PCDH15: variants seen among roughly 807,000 people sequenced by gnomAD.
PCDH15 encodes the protein protocadherin related 15.
In PCDH15, 129 loss-of-function variants were observed where a neutral mutation model predicts 178.5. The observed-to-expected ratio is 0.72, with a 90% CI of 0.63 to 0.84. PCDH15 has a LOEUF of 0.84. Among genes scored for constraint, PCDH15 ranks in the 40% least tolerant of loss-of-function variants. PCDH15 has a pLI of 0.00. For synonymous variants in PCDH15, 800 were observed against 732.0 expected (o/e 1.09, Z -1.50); for missense variants, 2,230 against 2,099.9 (o/e 1.06, Z -1.21).
At chr10:55,039,936 C>T (rs1024446644) in intron 2 of PCDH15, among the ~76,000 whole-genome samples, 14 of 152,024 alleles carry the variant, frequency 9.2e-5, no homozygotes, top group African/African-American at 3.4e-4. Context: ...ACAAAAAAAC[C>T]CACCATCAAA....
chr10:53,849,095 C>T (rs1230348379), intron 28 of PCDH15, among the ~76,000 whole-genome samples: 1 of 152,024 alleles, frequency 6.6e-6, no homozygotes, highest in Non-Finnish European at 1.5e-5. Flanking sequence ...TTTGTTTTGG[C>T]TTTCCATTGT....
chr10:55,157,935 C>T, intron 2 of PCDH15, among the ~76,000 whole-genome samples: 1 of 115,148 alleles, frequency 8.7e-6, no homozygotes, highest in South Asian at 3.6e-4. Flanking sequence ...GCACATGTAC[C>T]CTAGAACTTA....
intron 2 of PCDH15, among the ~76,000 whole-genome samples, chr10:55,030,316 G>A (rs1840578632): frequency 6.6e-6 from 1 of 152,112 alleles, no homozygotes; most frequent in Admixed American, 6.6e-5. Context: ...CATACAGAGA[G>A]CACGAGTCTC....
In PCDH15 at chr10:54,561,381, A is replaced by C. The variant is rs981677314; in HGVS notation, c.92-33504T>G. Among the ~76,000 whole-genome samples, 16 of 152,322 alleles carry C rather than the reference A, an allele frequency of 1.1e-4. No homozygotes were observed. The East Asian group carries it at 3.1e-3, about 29-fold the overall frequency. On this transcript the variant is annotated intron_variant, in intron 2 of 37. Coordinates refer to ENST00000644397, the MANE Select transcript of PCDH15 (RefSeq NM_001384140.1). ...AAACCCTGAAGCAAGACAAGGCAAG[A>C]TATGTAATATCTATCAATAAAACTA...
At chr10:54,279,645 T>A (rs2058559643) in intron 8 of PCDH15, among the ~76,000 whole-genome samples, 1 of 151,696 alleles carries the variant, frequency 6.6e-6, no homozygotes, top group Admixed American at 6.6e-5. Flanking sequence ...GAGATGATAC[T>A]GATTGCCCTC....
chr10:53,872,008 G>T (rs1340672499), intron 26 of PCDH15, among the ~76,000 whole-genome samples: 1 of 152,044 alleles, frequency 6.6e-6, no homozygotes, highest in African/African-American at 2.4e-5. Flanking sequence ...AGCCAGGCAT[G>T]GCTTCCCCCT....
At chr10:53,980,259 TTGAACAAGGGGTAAAAGTAGAC>T (rs1188111504) in intron 21 of PCDH15, among the ~76,000 whole-genome samples, 2 of 151,948 alleles carry the variant, frequency 1.3e-5, no homozygotes, top group African/African-American at 4.8e-5. Context: ...TATTAGGATT[TTGAACAAGGGGTAAAAGTAGAC>T]ATATATCAGT....
chr10:54,791,008 C>G (rs1407257251), intron 1 of PCDH15, among the ~76,000 whole-genome samples: 1 of 151,718 alleles, frequency 6.6e-6, no homozygotes. Context: ...ACAATAACAA[C>G]AAAAATACTC....
At chr10:55,317,430 T>A (rs1028706747) in intron 1 of PCDH15, among the ~76,000 whole-genome samples, 1 of 152,148 alleles carries the variant, frequency 6.6e-6, no homozygotes, top group Non-Finnish European at 1.5e-5. Flanking sequence ...TATCTTACCC[T>A]TTTAATGATT....
At chr10:55,495,142 C>T (rs538177545) in intron 2 of PCDH15, among the ~76,000 whole-genome samples, 1 of 151,728 alleles carries the variant, frequency 6.6e-6, no homozygotes, top group Non-Finnish European at 1.5e-5. Context: ...GTTAAAACCA[C>T]AAAACTCTTA....
chr10:54,055,009 T>C (rs1417404106), intron 18 of PCDH15, among the ~76,000 whole-genome samples: 3 of 152,170 alleles, frequency 2.0e-5, no homozygotes, highest in Non-Finnish European at 4.4e-5. Context: ...ATTTTAGTTT[T>C]AGAACCCCAC....
rs144566091 is a variant in PCDH15 at position 54,716,620 on chromosome 10, G to A, written c.-28-52330C>T. ...TTTGTACATTGATTTTGTATCCTGA[G>A]ACTTTGCTGAAGTTGCTTATCAGCT... On this transcript the variant is annotated intron_variant, in intron 1 of 37. Coordinates refer to ENST00000644397, the MANE Select transcript of PCDH15 (RefSeq NM_001384140.1). Among the ~76,000 whole-genome samples, 1,316 of 152,108 alleles carry A rather than the reference G, an allele frequency of 8.7e-3. 15 individuals are homozygous for A. Among genetic ancestry groups the A allele is most frequent in the African/African-American group, 0.029 (1,217 of 41,482 alleles).
At chr10:55,049,902 T>C (rs111336686) in intron 2 of PCDH15, among the ~76,000 whole-genome samples, 10 of 152,144 alleles carry the variant, frequency 6.6e-5, no homozygotes, top group African/African-American at 1.9e-4. Context: ...GTAAGACTAT[T>C]TTGCACTGAA....
intron 3 of PCDH15, among the ~76,000 whole-genome samples, chr10:54,860,609 A>C (rs1395464283): frequency 6.6e-6 from 1 of 152,154 alleles, no homozygotes; most frequent in Non-Finnish European, 1.5e-5. Flanking sequence ...GCTATGATGA[A>C]CATATGATTG....
At chr10:54,610,826 A>G (rs1256281813) in intron 2 of PCDH15, among the ~76,000 whole-genome samples, 2 of 151,832 alleles carry the variant, frequency 1.3e-5, no homozygotes, top group African/African-American at 4.8e-5. Context: ...TCTGAAGTCA[A>G]CAAATGACAA....
intron 5 of PCDH15, among the ~76,000 whole-genome samples, chr10:54,359,972 T>A (rs1204922833): frequency 1.3e-5 from 2 of 152,152 alleles, no homozygotes; most frequent in African/African-American, 4.8e-5. Context: ...TAAATCAGCA[T>A]GTAATACCAG....
intron 18 of PCDH15, among the ~76,000 whole-genome samples, chr10:54,045,493 G>GT (rs1338699701): frequency 1.3e-5 from 2 of 152,090 alleles, no homozygotes; most frequent in African/African-American, 4.8e-5. Context: ...TATCAAGACT[G>GT]TATGTAAAAT....
At chr10:54,141,075 C>T (rs1466633736) in intron 14 of PCDH15, among the ~76,000 whole-genome samples, 1 of 151,054 alleles carries the variant, frequency 6.6e-6, no homozygotes, top group Non-Finnish European at 1.5e-5. Context: ...TACATATACA[C>T]ATAGGTATAC....
At chr10:55,315,137 C>T (rs1203764127) in intron 1 of PCDH15, among the ~76,000 whole-genome samples, 1 of 152,030 alleles carries the variant, frequency 6.6e-6, no homozygotes, top group Non-Finnish European at 1.5e-5. Context: ...TTGTCATATA[C>T]TTACTGTACT....
Sources: allele counts gnomAD v4.1 joint callset (sites outside exome capture counted in the v4.1 genomes callset), GRCh38; gene constraint gnomAD v4.1.1; transcripts MANE v1.5; gene names NCBI Gene and HGNC (gene_info 2026-07-23, HGNC 2026-07-21).